Variants in BPIFA3 observed in about 807,000 individuals in gnomAD.
BPIFA3 encodes BPI fold containing family A member 3.
A neutral mutation model predicts 29.7 loss-of-function variants in BPIFA3; 32 were observed. That is an observed-to-expected ratio of 1.08 (90% CI 0.81 to 1.45). The LOEUF (loss-of-function observed/expected upper bound fraction) is 1.45, where lower values mean the gene tolerates loss of function less well. BPIFA3 is among the 40% of genes most tolerant of loss of function. BPIFA3 has a pLI of 0.00. For missense variants in BPIFA3, 323 were observed against 311.3 expected, an observed-to-expected ratio of 1.04 and a Z score of -0.28; for synonymous variants, 112 against 113.7, an observed-to-expected ratio of 0.98 and a Z score of 0.10.
Position 33,224,512 on chromosome 20 carries a change from G to C in BPIFA3, c.386+50G>C, listed in dbSNP as rs139026001. 6.4e-4 allele frequency: 913 copies of C among 1,434,806 alleles called. 9 individuals are homozygous for C. The African/African-American group carries it at 0.012, about 18-fold the overall frequency. 88.9% of individuals were successfully genotyped at this position (1,434,806 alleles called of 1,614,324 possible). ...GAGAGGTGCTGGCCCTCCTCGCAGG[G>C]AACCTGGGAAATTCAGATCTTTCTG... On this transcript the variant is annotated intron_variant, in intron 3 of 6. Coordinates refer to ENST00000375454, the MANE Select transcript of BPIFA3 (RefSeq NM_178466.5).
intron 1 of BPIFA3, among the ~76,000 whole-genome samples, chr20:33,223,294 C>A (rs1367979269): frequency 6.6e-6 from 1 of 152,142 alleles, no homozygotes; most frequent in Non-Finnish European, 1.5e-5. Context: ...GTCCTCATCC[C>A]AGGCAGGAGG....
intron 5 of BPIFA3, among the ~76,000 whole-genome samples, chr20:33,226,712 C>T (rs1714749445): frequency 6.6e-6 from 1 of 152,216 alleles, no homozygotes; most frequent in South Asian, 2.1e-4. Flanking sequence ...TGGGATCCAC[C>T]ATAGTCTCTA....
At chr20:33,226,821 C>T (rs377070159) in intron 5 of BPIFA3, 109 bp from the exon 6 acceptor site, 72 of 1,382,734 alleles carry the variant, frequency 5.2e-5, no homozygotes, top group Middle Eastern at 3.5e-4. Context: ...GCTCTGGCCA[C>T]GATTCCTACT....
At chr20:33,219,206 C>T (rs904314864) in intron 1 of BPIFA3, among the ~76,000 whole-genome samples, 2 of 152,064 alleles carry the variant, frequency 1.3e-5, no homozygotes, top group African/African-American at 2.4e-5. Context: ...TGCCCAGCCC[C>T]ATTTTGACTT....
chr20:33,222,159 GC>G (rs1448977960), intron 1 of BPIFA3, among the ~76,000 whole-genome samples: 5 of 152,244 alleles, frequency 3.3e-5, no homozygotes, highest in African/African-American at 1.2e-4. Context: ...GATAGGACAA[GC>G]TCCAGGTTTG....
At position 33,221,463 on chromosome 20, in the gene BPIFA3, T is replaced by C. The variant is rs1985512870; in HGVS notation, c.128-2348T>C. Among the ~76,000 whole-genome samples the C allele has an allele frequency of 2.0e-5, 3 of 152,258 alleles. No individual in the cohort carries two copies. The South Asian group carries it at 6.2e-4, about 31-fold the overall frequency. On this transcript the variant is annotated intron_variant, in intron 1 of 6. Transcript: ENST00000375454. ...TGAGCCACTGCGCCTGGCCAAGATT[T>C]CATTAGCTAATAATTTGTTTAGGAT... is the stretch of plus-strand genomic sequence containing the variant.
At chr20:33,226,673 C>A (rs2146489898) in intron 5 of BPIFA3, among the ~76,000 whole-genome samples, 183 bp downstream of exon 5, 1 of 152,268 alleles carries the variant, frequency 6.6e-6, no homozygotes, top group East Asian at 1.9e-4. Context: ...ACTTTGCCTC[C>A]CTGAGCCTCA....
At chr20:33,221,334 T>C (rs1341599173) in intron 1 of BPIFA3, among the ~76,000 whole-genome samples, 1 of 152,168 alleles carries the variant, frequency 6.6e-6, no homozygotes, top group Non-Finnish European at 1.5e-5. Context: ...TTTATGTATT[T>C]TTAGTAGAGA....
Position 33,227,699 on chromosome 20 carries a change from T to C in BPIFA3, c.*82T>C. On this transcript the variant is annotated 3_prime_UTR_variant, in exon 7 of 7. Transcript: ENST00000375454. ...GGGGCTTCTGCTACCCTAAAAACTT[T>C]ACCCCAGGCTCTGTGGACATACCAT... 1 of 1,203,758 alleles carries C rather than the reference T, an allele frequency of 8.3e-7. No homozygotes were observed. The highest frequency in any genetic ancestry group is 1.5e-5 in the African/African-American group (1 of 66,616). 74.6% of individuals were successfully genotyped at this position (1,203,758 alleles called of 1,614,324 possible). A position where few individuals can be genotyped will look rare whatever the true frequency, so the allele number is the denominator to read the frequency against.
intron 1 of BPIFA3, 132 bp downstream of exon 1, chr20:33,217,795 T>A: frequency 8.6e-7 from 1 of 1,168,386 alleles, no homozygotes; most frequent in Non-Finnish European, 1.2e-6. Context: ...TTCTTAGACC[T>A]CAAGTACAGA....
chr20:33,227,594 C>T lies in BPIFA3; in HGVS notation c.742C>T (p.Gln248Ter), dbSNP rs1234545341. Residue 248 changes from glutamine (Q) to a stop codon, truncating the protein, a stop_gained, in exon 7 of 7, where the codon CAG becomes TAG. Coordinates refer to ENST00000375454, the MANE Select transcript of BPIFA3 (RefSeq NM_178466.5). LOFTEE classifies it high-confidence loss of function. ...TGAAACCAGCCAACCCTCTGCATGC[C>T]AGGCTGGAGAGTCCCCCAGCTGACT... ...HHETSQPSAC[Q>*]AGESPS 5.6e-6 allele frequency: 9 copies of T among 1,613,914 alleles called. No homozygotes were observed. Among genetic ancestry groups the T allele is most frequent in the Non-Finnish European group, 6.8e-6 (8 of 1,179,950 alleles).
chr20:33,225,258 A>T lies in BPIFA3; in HGVS notation c.536+11A>T. 2 of 1,613,088 alleles carry T rather than the reference A, an allele frequency of 1.2e-6. No individual in the cohort carries two copies. The highest frequency in any genetic ancestry group is 1.7e-6 in the Non-Finnish European group (2 of 1,179,910). Reference sequence around the variant, plus strand: ...GGCCATCCTCACTGAGTAAGACCCCAGCTGCCCCTCCCCAGAGCTGGGCCT... The same window carrying T: ...GGCCATCCTCACTGAGTAAGACCCCTGCTGCCCCTCCCCAGAGCTGGGCCT... On this transcript the variant is annotated intron_variant, in intron 4 of 6. Transcript: ENST00000375454.
chr20:33,225,018 C>A, intron 3 of BPIFA3, 80 bp from the exon 4 acceptor site: 1 of 1,372,588 alleles, frequency 7.3e-7, no homozygotes, highest in South Asian at 1.2e-5. Context: ...GGACAGTGCC[C>A]GTCTTTGCCA....
chr20:33,221,399 C>T (rs1600626833), intron 1 of BPIFA3, among the ~76,000 whole-genome samples: 2 of 152,152 alleles, frequency 1.3e-5, no homozygotes, highest in Admixed American at 6.5e-5. Context: ...TCAGGTGATC[C>T]GCCCGCCTTG....
At chr20:33,221,560 A>C (rs1985518199) in intron 1 of BPIFA3, among the ~76,000 whole-genome samples, 1 of 152,252 alleles carries the variant, frequency 6.6e-6, no homozygotes, top group African/African-American at 2.4e-5. Flanking sequence ...AGGCTAGGAA[A>C]GTTATACTAA....
Position 33,225,353 on chromosome 20 carries a change from A to G in BPIFA3, c.536+106A>G, listed in dbSNP as rs1317169229. The G allele has an allele frequency of 1.2e-5, 18 of 1,474,024 alleles. No homozygotes were observed. In the African/African-American group the frequency reaches 2.4e-4, roughly 19 times the overall value. The allele number at this position is 1,474,024 out of a possible 1,614,324, so 91.3% of individuals were successfully genotyped here. On this transcript the variant is annotated intron_variant, in intron 4 of 6. Transcript: ENST00000375454. Reference sequence around the variant, plus strand: ...CCTAAATTAGTCCAAAGCAGATCTCATCCTTCCCCCGGGATCTGCTCCTCC... The same window carrying G: ...CCTAAATTAGTCCAAAGCAGATCTCGTCCTTCCCCCGGGATCTGCTCCTCC...
At chr20:33,224,165 A>G (rs1286283427) in intron 2 of BPIFA3, among the ~76,000 whole-genome samples, 190 bp from the exon 3 acceptor site, 5 of 152,044 alleles carry the variant, frequency 3.3e-5, no homozygotes, top group Non-Finnish European at 5.9e-5. Flanking sequence ...TGTTAGGGCC[A>G]CTCTGGGGCA....
chr20:33,219,715 T>G (rs1345195754), intron 1 of BPIFA3, among the ~76,000 whole-genome samples: 1 of 152,218 alleles, frequency 6.6e-6, no homozygotes, highest in African/African-American at 2.4e-5. Flanking sequence ...TTTACACCAA[T>G]AACATAATAT....
intron 6 of BPIFA3, 108 bp from the exon 7 acceptor site, chr20:33,227,430 G>A (rs549436020): frequency 2.9e-5 from 26 of 900,924 alleles, no homozygotes; most frequent in Middle Eastern, 2.3e-4. Context: ...TCACGTGAAC[G>A]CTCCCGGCAC....
Sources: gnomAD v4.1 joint callset for allele counts (sites outside exome capture counted in the v4.1 genomes callset) on GRCh38, gnomAD v4.1.1 for gene constraint, MANE v1.5 for transcripts, NCBI Gene and HGNC (gene_info 2026-07-23, HGNC 2026-07-21) for gene names.